KCNQ3: variants seen among roughly 807,000 people sequenced by gnomAD.
KCNQ3 encodes the protein potassium voltage-gated channel subfamily KQT member 3.
A neutral mutation model predicts 92.5 loss-of-function variants in KCNQ3; 30 were observed. The ratio of observed to expected loss-of-function variants is 0.32; its 90% CI spans 0.24 to 0.44. The LOEUF is 0.44. KCNQ3 is among the 20% of genes least tolerant of loss of function. KCNQ3 has a pLI of 1.00. For synonymous variants in KCNQ3, 450 were observed against 468.8 expected (o/e 0.96, Z 0.52); for missense variants, 913 against 1,140.3 (o/e 0.80, Z 2.87).
chr8:132,206,532 T>G (rs1813663918), intron 1 of KCNQ3, among the ~76,000 whole-genome samples: 1 of 152,212 alleles, frequency 6.6e-6, no homozygotes, highest in African/African-American at 2.4e-5. Context: ...ATATACGAGG[T>G]TTACAAAATT....
chr8:132,480,438 T>C lies in KCNQ3; in HGVS notation c.95A>G (p.Asp32Gly), dbSNP rs766773660. 2.1e-6 allele frequency: 3 copies of C among 1,445,804 alleles called. No individual in the cohort carries two copies. The highest frequency in any genetic ancestry group is 2.7e-6 in the Non-Finnish European group (3 of 1,102,228). 89.6% of individuals were successfully genotyped at this position (1,445,804 alleles called of 1,614,324 possible). ...CTCCTCGTCGCCGGCCGCCGCCGCG[T>C]CCCCTCCGGCTGGGTTAGCCGCCCC... ...GGGAANPAGG[D>G]AAAAGDEERK... The change falls in exon 1 of 15, where the codon GAC becomes GGC. Residue 32 changes from aspartate (D) to glycine (G), a missense_variant. By Grantham distance (94) the Asp-to-Gly change is moderately conservative (BLOSUM62 -1). Coordinates refer to ENST00000388996, the MANE Select transcript of KCNQ3 (RefSeq NM_004519.4).
chr8:132,177,133 G>T (rs1826584392), intron 4 of KCNQ3, among the ~76,000 whole-genome samples: 1 of 152,208 alleles, frequency 6.6e-6, no homozygotes, highest in South Asian at 2.1e-4. Context: ...ATGCAAGTCA[G>T]AAGTTTCATC....
chr8:132,310,515 G>A (rs1443396999), intron 1 of KCNQ3, among the ~76,000 whole-genome samples: 22 of 152,180 alleles, frequency 1.4e-4, no homozygotes, highest in Non-Finnish European at 2.6e-4. Context: ...AGCAGAGGAC[G>A]AGTTCCACTG....
chr8:132,288,045 T>C (rs1271835471), intron 1 of KCNQ3, among the ~76,000 whole-genome samples: 2 of 152,330 alleles, frequency 1.3e-5, no homozygotes, highest in East Asian at 3.9e-4. Flanking sequence ...ACTATTTCCT[T>C]CTTCTTGTAT....
intron 8 of KCNQ3, among the ~76,000 whole-genome samples, chr8:132,165,285 C>T (rs1253816561): frequency 6.6e-6 from 1 of 152,216 alleles, no homozygotes; most frequent in Non-Finnish European, 1.5e-5. Context: ...CTTCACTACC[C>T]TTATGATAGG....
intron 1 of KCNQ3, among the ~76,000 whole-genome samples, chr8:132,359,159 ATAACTTGACAGTT>A (rs142224944): frequency 0.093 from 14,140 of 152,250 alleles, 693 homozygotes; most frequent in South Asian, 0.16. Flanking sequence ...GAAGCATCAC[ATAACTTGACAGTT>A]TAACGGTAGT....
chr8:132,129,189 C>T lies in KCNQ3; in HGVS notation c.*73G>A. The T allele has an allele frequency of 2.2e-5, 35 of 1,555,842 alleles. No homozygotes were observed. The highest frequency in any genetic ancestry group is 1.7e-4 in the South Asian group (15 of 88,404). On this transcript the variant is annotated 3_prime_UTR_variant, in exon 15 of 15. Transcript: ENST00000388996. The surrounding 1 kb of genome is among the most constrained non-coding windows in gnomAD (Gnocchi z 5.9). The stretch of plus-strand genomic sequence containing the variant: ...AGCCATTGGTGTCCCCGCTGGTAAG[C>T]GTCGGGTGTAAGAGTAAGTGAACTA...
intron 1 of KCNQ3, among the ~76,000 whole-genome samples, chr8:132,191,616 T>C (rs1262868910): frequency 6.8e-6 from 1 of 147,958 alleles, no homozygotes; most frequent in Non-Finnish European, 1.5e-5. Context: ...TGTGTATGTA[T>C]ATATAATATA....
At chr8:132,209,505 T>G (rs1458294019) in intron 1 of KCNQ3, among the ~76,000 whole-genome samples, 2 of 151,770 alleles carry the variant, frequency 1.3e-5, no homozygotes, top group Non-Finnish European at 2.9e-5. Flanking sequence ...AAGCCATTTT[T>G]TTGTATAATG....
chr8:132,225,841 G>T (rs770413599), intron 1 of KCNQ3, among the ~76,000 whole-genome samples: 21 of 152,162 alleles, frequency 1.4e-4, no homozygotes, highest in Non-Finnish European at 2.6e-4. Flanking sequence ...AGTTAGCATT[G>T]GTTGCCTTGG....
At chr8:132,252,419 G>T in intron 1 of KCNQ3, among the ~76,000 whole-genome samples, 1 of 152,136 alleles carries the variant, frequency 6.6e-6, no homozygotes, top group East Asian at 1.9e-4. Flanking sequence ...CCTCCCGGTG[G>T]GTTCATAGTC....
intron 1 of KCNQ3, among the ~76,000 whole-genome samples, chr8:132,275,146 G>T (rs1006525213): frequency 6.6e-6 from 1 of 152,092 alleles, no homozygotes; most frequent in African/African-American, 2.4e-5. Flanking sequence ...TGAGGACAGA[G>T]TAAGTATCTA....
chr8:132,476,414 G>T (rs1462124728), intron 1 of KCNQ3, among the ~76,000 whole-genome samples: 1 of 152,226 alleles, frequency 6.6e-6, no homozygotes, highest in East Asian at 1.9e-4. Context: ...GCCCATGGAA[G>T]CAGCCACAGG....
At chr8:132,344,481 A>G (rs1818622498) in intron 1 of KCNQ3, among the ~76,000 whole-genome samples, 1 of 152,218 alleles carries the variant, frequency 6.6e-6, no homozygotes, top group Non-Finnish European at 1.5e-5. Context: ...CTGTTCTGAG[A>G]ACTTGCTATG....
intron 1 of KCNQ3, among the ~76,000 whole-genome samples, chr8:132,338,900 C>A (rs1818441507): frequency 6.6e-6 from 1 of 152,194 alleles, no homozygotes; most frequent in African/African-American, 2.4e-5. Flanking sequence ...GGGGCTTGTA[C>A]AACGTGGGTC....
In KCNQ3 at chr8:132,480,639, C is replaced by A; in HGVS notation, c.-107G>T. On this transcript the variant is annotated 5_prime_UTR_variant, in exon 1 of 15. Coordinates refer to ENST00000388996, the MANE Select transcript of KCNQ3 (RefSeq NM_004519.4). The stretch of plus-strand genomic sequence containing the variant: ...GCGGCGGCGGCTGCAAGCCCGGGAA[C>A]TCCAATGCCATGATCCGCGCGCCCC... 8.7e-7 allele frequency: 1 copy of A among 1,146,308 alleles called. No individual in the cohort carries two copies. 71.0% of individuals were successfully genotyped at this position (1,146,308 alleles called of 1,614,324 possible).
At chr8:132,413,824 C>T (rs776510539) in intron 1 of KCNQ3, among the ~76,000 whole-genome samples, 2 of 152,236 alleles carry the variant, frequency 1.3e-5, no homozygotes, top group South Asian at 2.1e-4. Context: ...AGGGCTTCCT[C>T]AGCATGTCTG....
intron 1 of KCNQ3, among the ~76,000 whole-genome samples, chr8:132,357,281 G>A (rs182309335): frequency 1.8e-4 from 28 of 152,322 alleles, no homozygotes; most frequent in African/African-American, 5.5e-4. Flanking sequence ...GTAATTCAGC[G>A]AAGCAAGAGT....
chr8:132,180,338 G>A lies in KCNQ3; in HGVS notation c.605-9C>T. The A allele has an allele frequency of 1.2e-6, 2 of 1,613,734 alleles. No homozygotes were observed. Among genetic ancestry groups the A allele is most frequent in the Non-Finnish European group, 1.7e-6 (2 of 1,179,978 alleles). On this transcript the variant is annotated splice_polypyrimidine_tract_variant and intron_variant, in intron 3 of 14. Coordinates refer to ENST00000388996, the MANE Select transcript of KCNQ3 (RefSeq NM_004519.4). ...AATCAGCACAAAGATGTCTGGGAGA[G>A]AGGACAGACAGAGTGGGAGGGAAGA...
Sources: allele counts gnomAD v4.1 joint callset (sites outside exome capture counted in the v4.1 genomes callset), GRCh38; gene constraint gnomAD v4.1.1; non-coding constraint Gnocchi (gnomAD v3.1); transcripts MANE v1.5; gene names NCBI Gene and HGNC (gene_info 2026-07-23, HGNC 2026-07-21).